Variants in SLC4A10 observed in about 807,000 individuals in gnomAD.
SLC4A10 encodes the protein solute carrier family 4 member 10.
A neutral mutation model predicts 137.7 loss-of-function variants in SLC4A10; 42 were observed. The ratio of observed to expected loss-of-function variants is 0.30; its 90% CI spans 0.24 to 0.39. SLC4A10 has a LOEUF of 0.39. SLC4A10 is among the 10% of genes least tolerant of loss of function. SLC4A10 has a pLI of 1.00. For synonymous variants in SLC4A10, 474 were observed against 464.1 expected, an observed-to-expected ratio of 1.02 and a Z score of -0.27; for missense variants, 925 against 1,355.0, an observed-to-expected ratio of 0.68 and a Z score of 4.98.
At chr2:161,636,676 A>C (rs995807638) in intron 1 of SLC4A10, among the ~76,000 whole-genome samples, 1 of 151,742 alleles carries the variant, frequency 6.6e-6, no homozygotes, top group Non-Finnish European at 1.5e-5. Flanking sequence ...CTGGAATTAC[A>C]GCCACCACGC....
At chr2:161,802,772 A>C (rs2055511306) in intron 2 of SLC4A10, among the ~76,000 whole-genome samples, 1 of 152,072 alleles carries the variant, frequency 6.6e-6, no homozygotes, top group Admixed American at 6.6e-5. Context: ...ATCTCCTTGC[A>C]TCATTGTGTT....
chr2:161,907,430 T>C (rs912270319), intron 15 of SLC4A10, among the ~76,000 whole-genome samples: 1 of 152,204 alleles, frequency 6.6e-6, no homozygotes, highest in Non-Finnish European at 1.5e-5. Context: ...TTATCTCTGG[T>C]TGGATTTTCA....
intron 1 of SLC4A10, among the ~76,000 whole-genome samples, chr2:161,736,273 G>T (rs2047333115): frequency 6.6e-6 from 1 of 152,116 alleles, no homozygotes; most frequent in Non-Finnish European, 1.5e-5. Context: ...GCACAGAGCT[G>T]AGACTTCAGG....
intron 15 of SLC4A10, among the ~76,000 whole-genome samples, chr2:161,925,601 A>G (rs550951148): frequency 6.6e-5 from 10 of 152,052 alleles, no homozygotes; most frequent in African/African-American, 2.4e-4. Flanking sequence ...TAGTTTTCGA[A>G]GGTGTTTGCT....
At chr2:161,675,185 G>A (rs1227285862) in intron 1 of SLC4A10, among the ~76,000 whole-genome samples, 2 of 152,152 alleles carry the variant, frequency 1.3e-5, no homozygotes, top group Non-Finnish European at 2.9e-5. Context: ...TGATGAGGGG[G>A]CAACTCCTAC....
rs1474613124 is a variant in SLC4A10 at position 161,787,239 on chromosome 2, A to G, written c.130+16185A>G. ...ATTTTTTGTCCTCAAGAAGGCTAAA[A>G]ATAGGCCCCCTATCTTTTTGGCTTA... On this transcript the variant is annotated intron_variant, in intron 2 of 26. Coordinates refer to ENST00000446997, the MANE Select transcript of SLC4A10 (RefSeq NM_001178015.2). 2.6e-5 allele frequency among the ~76,000 whole-genome samples: 4 copies of G among 152,124 alleles called. No individual in the cohort carries two copies. The East Asian group carries it at 7.7e-4, about 29-fold the overall frequency.
intron 4 of SLC4A10, among the ~76,000 whole-genome samples, chr2:161,842,529 A>G (rs1449630): frequency 0.53 from 80,045 of 151,726 alleles, 21,761 homozygotes; most frequent in East Asian, 0.85. Flanking sequence ...TATTTTCTTT[A>G]TTTGCCTTTT....
At chr2:161,804,740 A>G (rs948797441) in intron 3 of SLC4A10, 145 bp downstream of exon 3, 3 of 630,538 alleles carry the variant, frequency 4.8e-6, no homozygotes, top group African/African-American at 3.7e-5. Context: ...GAAGTGGGAG[A>G]GATAAAGCTT....
intron 1 of SLC4A10, among the ~76,000 whole-genome samples, chr2:161,655,421 C>T (rs938505912): frequency 6.6e-6 from 1 of 152,152 alleles, no homozygotes; most frequent in African/African-American, 2.4e-5. Flanking sequence ...CGAGAATGGT[C>T]ATCCCTGCAT....
chr2:161,717,655 A>G (rs2045084133), intron 1 of SLC4A10, among the ~76,000 whole-genome samples: 1 of 151,988 alleles, frequency 6.6e-6, no homozygotes, highest in African/African-American at 2.4e-5. Context: ...CTTGATTGCG[A>G]TGGATAAGCT....
Position 161,894,760 on chromosome 2 carries a change from G to A in SLC4A10, c.1276G>A (p.Val426Ile). 1 of 1,441,486 alleles carries A rather than the reference G, an allele frequency of 6.9e-7. No homozygotes were observed. The allele number at this position is 1,441,486 out of a possible 1,614,324, so 89.3% of individuals were successfully genotyped here. A position where few individuals can be genotyped will look rare whatever the true frequency, so the allele number is the denominator to read the frequency against. ...TGATGAGTTTCTGGATCAGGTTACT[G>A]TTCTCCCTCCTGGAGAATGGGATCC... The part of the protein sequence containing the change: ...GIDEFLDQVT[V>I]LPPGEWDPSI... The change falls in exon 11 of 27, where the codon GTT becomes ATT. Residue 426 changes from valine (V) to isoleucine (I), a missense_variant. Around this residue, in one of 11 missense-constraint regions of SLC4A10, gnomAD observed 15 missense variants for 49.1 expected, o/e 0.31. Coordinates refer to ENST00000446997, the MANE Select transcript of SLC4A10 (RefSeq NM_001178015.2).
Position 161,964,327 on chromosome 2 carries a change from C to T in SLC4A10, c.3036+19C>T, listed in dbSNP as rs549436685. ...CATGATGGTATGAAACTTCTGTCAA[C>T]TATTTTTCTCTTTCTCTGATTTGCT... is the stretch of plus-strand genomic sequence containing the variant. On this transcript the variant is annotated intron_variant, in intron 22 of 26. Transcript: ENST00000446997. The T allele has an allele frequency of 8.1e-6, 13 of 1,611,344 alleles. 1 individual carries two copies. The highest frequency in any genetic ancestry group is 1.1e-5 in the Non-Finnish European group (13 of 1,178,444).
intron 1 of SLC4A10, among the ~76,000 whole-genome samples, chr2:161,696,258 C>A (rs1423010589): frequency 4.6e-5 from 7 of 151,698 alleles, no homozygotes; most frequent in Non-Finnish European, 8.8e-5. Flanking sequence ...TTTTTTATGG[C>A]TGCATAGTAT....
At chr2:161,733,259 C>T (rs575412616) in intron 1 of SLC4A10, among the ~76,000 whole-genome samples, 8 of 152,238 alleles carry the variant, frequency 5.3e-5, no homozygotes, top group Admixed American at 1.3e-4. Flanking sequence ...AAAGTGGTTT[C>T]GTGGGCTGTC....
At chr2:161,841,203 T>C (rs1414156155) in intron 4 of SLC4A10, among the ~76,000 whole-genome samples, 1 of 151,990 alleles carries the variant, frequency 6.6e-6, no homozygotes, top group Non-Finnish European at 1.5e-5. Context: ...CCAGCCTCCC[T>C]AGTAGCTGAG....
intron 1 of SLC4A10, among the ~76,000 whole-genome samples, chr2:161,632,310 C>G (rs565977324): frequency 6.6e-6 from 1 of 151,430 alleles, no homozygotes; most frequent in East Asian, 2.0e-4. Flanking sequence ...CAGCTTTTTT[C>G]ACAAAGTGGT....
intron 2 of SLC4A10, among the ~76,000 whole-genome samples, chr2:161,778,555 C>T (rs888010799): frequency 1.3e-5 from 2 of 151,794 alleles, no homozygotes; most frequent in African/African-American, 4.8e-5. Flanking sequence ...TCATGCAATA[C>T]CTTTAATTCA....
intron 2 of SLC4A10, among the ~76,000 whole-genome samples, chr2:161,804,198 T>C (rs772450143): frequency 2.0e-5 from 3 of 152,046 alleles, no homozygotes; most frequent in Non-Finnish European, 4.4e-5. Context: ...ACATAGAGAT[T>C]ATAAAGGAAG....
intron 3 of SLC4A10, among the ~76,000 whole-genome samples, chr2:161,837,512 T>G (rs1262629531): frequency 1.3e-5 from 2 of 152,200 alleles, no homozygotes; most frequent in African/African-American, 4.8e-5. Context: ...TAAGGTACTA[T>G]TCTCCCTAAA....
Sources: allele counts gnomAD v4.1 joint callset (sites outside exome capture counted in the v4.1 genomes callset), GRCh38; gene constraint gnomAD v4.1.1; regional missense constraint gnomAD v4.1.1; transcripts MANE v1.5; gene names NCBI Gene and HGNC (gene_info 2026-07-23, HGNC 2026-07-21).